Variants in CORO2B observed in about 807,000 individuals in gnomAD.
The protein encoded by CORO2B is coronin-2B.
CORO2B carries 26 observed loss-of-function variants against 58.8 expected under a neutral mutation model. The observed-to-expected ratio is 0.44, with a 90% CI of 0.32 to 0.61. CORO2B has a LOEUF of 0.61. CORO2B is among the 20% of genes least tolerant of loss of function. The pLI, the probability that CORO2B is intolerant of heterozygous loss-of-function variation, is 0.04. For missense variants in CORO2B, 460 were observed against 645.1 expected, an observed-to-expected ratio of 0.71 and a Z score of 3.11; for synonymous variants, 242 against 253.8, an observed-to-expected ratio of 0.95 and a Z score of 0.44.
At chr15:68,609,110 G>A (rs1463924669) in intron 1 of CORO2B, among the ~76,000 whole-genome samples, 1 of 152,234 alleles carries the variant, frequency 6.6e-6, no homozygotes, top group East Asian at 1.9e-4. Flanking sequence ...GGAAGGAGCA[G>A]CATTGGAACT....
chr15:68,667,272 C>T (rs1902222768), intron 2 of CORO2B, among the ~76,000 whole-genome samples: 1 of 152,194 alleles, frequency 6.6e-6, no homozygotes, highest in Admixed American at 6.5e-5. Context: ...CCTCTCTGCA[C>T]AGCTCAGGGC....
the CORO2B span, among the ~76,000 whole-genome samples, chr15:68,525,056 T>G: frequency 6.6e-6 from 1 of 152,232 alleles, no homozygotes; most frequent in Non-Finnish European, 1.5e-5. Context: ...CTGTCTTATA[T>G]TTAGGCACAT....
At chr15:68,553,953 TAGAA>T in the CORO2B span, among the ~76,000 whole-genome samples, 1 of 152,274 alleles carries the variant, frequency 6.6e-6, no homozygotes, top group African/African-American at 2.4e-5. Flanking sequence ...ACTGCAATCT[TAGAA>T]AGGTCACTAG....
the CORO2B span, among the ~76,000 whole-genome samples, chr15:68,555,862 G>A: frequency 5.3e-5 from 8 of 152,060 alleles, no homozygotes; most frequent in African/African-American, 9.7e-5. Context: ...CGTGCTGAGC[G>A]CCAAACTTCA....
intron 2 of CORO2B, among the ~76,000 whole-genome samples, chr15:68,692,190 C>T (rs1397759334): frequency 6.6e-6 from 1 of 152,166 alleles, no homozygotes; most frequent in East Asian, 1.9e-4. Context: ...CTCTCTGGGC[C>T]TTAATTTCCT....
intron 2 of CORO2B, among the ~76,000 whole-genome samples, chr15:68,669,757 A>G (rs1164240076): frequency 1.3e-5 from 2 of 151,984 alleles, no homozygotes; most frequent in Middle Eastern, 3.2e-3. Flanking sequence ...AATAAACCAA[A>G]TAAGAAAAAA....
the CORO2B span, among the ~76,000 whole-genome samples, chr15:68,543,940 C>T: frequency 6.6e-6 from 1 of 152,292 alleles, no homozygotes; most frequent in East Asian, 1.9e-4. Context: ...TGGCCCTTAC[C>T]TCTCTCAAGT....
intron 1 of CORO2B, among the ~76,000 whole-genome samples, chr15:68,599,548 C>CCA: frequency 6.6e-6 from 1 of 152,322 alleles, no homozygotes; most frequent in Middle Eastern, 3.4e-3. Flanking sequence ...AACTCTGTCC[C>CCA]CACAAGGGCC....
rs1439487861 is a variant in CORO2B at position 68,590,719 on chromosome 15, G to A, written c.15+11442G>A. 3.3e-5 allele frequency among the ~76,000 whole-genome samples: 5 copies of A among 152,200 alleles called. No homozygotes were observed. The East Asian group carries it at 9.6e-4, about 29-fold the overall frequency. ...AATAATGCCCTAAGTGGTTGTCATT[G>A]ACTGGACCGAGCCTGCTGGAAGGAA... On this transcript the variant is annotated intron_variant, in intron 1 of 11. Transcript: ENST00000261861.
At chr15:68,721,618 A>T (rs1274972698) in intron 11 of CORO2B, among the ~76,000 whole-genome samples, 1 of 152,196 alleles carries the variant, frequency 6.6e-6, no homozygotes, top group African/African-American at 2.4e-5. Context: ...AGGCAGGAGA[A>T]TCACTTGAAC....
intron 11 of CORO2B, among the ~76,000 whole-genome samples, chr15:68,721,434 C>A (rs1033213845): frequency 9.2e-5 from 14 of 152,028 alleles, no homozygotes; most frequent in Non-Finnish European, 1.3e-4. Context: ...GGCTGGGCGC[C>A]GTAGCTCATG....
chr15:68,615,997 C>G (rs8041119), intron 1 of CORO2B, among the ~76,000 whole-genome samples: 30,061 of 151,972 alleles, frequency 0.2, 4,832 homozygotes, highest in African/African-American at 0.45. Context: ...ACCTACTGTG[C>G]GCCAGACCTG....
Position 68,710,863 on chromosome 15 carries a change from C to T in CORO2B, c.465C>T (p.Ser155=), listed in dbSNP as rs751892632. The T allele has an allele frequency of 8.1e-6, 13 of 1,607,852 alleles. No homozygotes were observed. The African/African-American group carries it at 9.4e-5, about 12-fold the overall frequency. Residue 155 remains serine, a synonymous_variant, in exon 4 of 12, where the codon AGC becomes AGT. Transcript: ENST00000261861. This position sits in a 1 kb window ranked among gnomAD's most constrained non-coding sequence, Gnocchi z 4.1. ...WHPTTNNILF[S]AGYDYKVLIW... ...CCACCACCAACAACATCCTGTTCAG[C>T]GCTGGCTACGACTACAAGGTATGCA...
chr15:68,722,161 G>GT (rs1893177889), intron 11 of CORO2B, among the ~76,000 whole-genome samples: 3 of 152,196 alleles, frequency 2.0e-5, no homozygotes, highest in Admixed American at 2.0e-4. Context: ...CTGGCACTGG[G>GT]TCTGGAGAAG....
rs888309964 is a variant in CORO2B at position 68,634,321 on chromosome 15, C to T, written c.16-10839C>T. ...ATTAGGCCCAGCTCTTTTACTCACT[C>T]GCTGGCCGGCAGGGTGGTTGTCAGG... is the stretch of plus-strand genomic sequence containing the variant. On this transcript the variant is annotated intron_variant, in intron 1 of 11. Transcript: ENST00000261861. Among the ~76,000 whole-genome samples, 17 of 152,316 alleles carry T rather than the reference C, an allele frequency of 1.1e-4. No homozygotes were observed. In the Middle Eastern group the frequency reaches 0.014, roughly 122 times the overall value.
chr15:68,575,577 GCC>G (rs78111726), upstream of CORO2B, among the ~76,000 whole-genome samples: 2 of 38,750 alleles, frequency 5.2e-5, no homozygotes, highest in African/African-American at 6.6e-5. Flanking sequence ...CTTGTGATCT[GCC>G]CCCGCCTCGG....
chr15:68,545,610 G>GGT, the CORO2B span, among the ~76,000 whole-genome samples: 5 of 110,140 alleles, frequency 4.5e-5, no homozygotes, highest in African/African-American at 6.9e-5. Flanking sequence ...GAATGCGGGG[G>GGT]GCGGGGGGGG....
At chr15:68,526,971 T>C in the CORO2B span, among the ~76,000 whole-genome samples, 9 of 152,150 alleles carry the variant, frequency 5.9e-5, no homozygotes, top group Non-Finnish European at 1.2e-4. Flanking sequence ...TACAATAGGA[T>C]TGATTTCCTT....
chr15:68,550,617 C>T, the CORO2B span, among the ~76,000 whole-genome samples: 1 of 152,202 alleles, frequency 6.6e-6, no homozygotes, highest in Non-Finnish European at 1.5e-5. Context: ...ATTACTGTCG[C>T]CCCCGAGTTC....
Sources: gnomAD v4.1 joint callset for allele counts (sites outside exome capture counted in the v4.1 genomes callset) on GRCh38, gnomAD v4.1.1 for gene constraint, Gnocchi (gnomAD v3.1) non-coding constraint, MANE v1.5 for transcripts, NCBI Gene and HGNC (gene_info 2026-07-23, HGNC 2026-07-21) for gene names.